The following PCDH7 variants were observed in gnomAD, a reference collection of about 807,000 sequenced individuals.
PCDH7 encodes the protein protocadherin-7.
A neutral mutation model predicts 58.9 loss-of-function variants in PCDH7; 17 were observed. That is an observed-to-expected ratio of 0.29 (90% CI 0.20 to 0.43). PCDH7 has a LOEUF of 0.43. PCDH7 is among the 20% of genes least tolerant of loss of function. The pLI, the probability that PCDH7 is intolerant of heterozygous loss-of-function variation, is 1.00. For missense variants in PCDH7, 1,274 were observed against 1,441.0 expected (o/e 0.88, Z 1.88); for synonymous variants, 664 against 616.4 (o/e 1.08, Z -1.14).
intron 1 of PCDH7, among the ~76,000 whole-genome samples, chr4:30,802,968 C>T (rs915807682): frequency 6.6e-6 from 1 of 151,990 alleles, no homozygotes; most frequent in Non-Finnish European, 1.5e-5. Context: ...GGCAAGGCAG[C>T]TGCGAGAGAA....
At chr4:30,959,531 T>A (rs1748185659) in intron 3 of PCDH7, among the ~76,000 whole-genome samples, 1 of 152,174 alleles carries the variant, frequency 6.6e-6, no homozygotes. Flanking sequence ...TTATGGATTT[T>A]ACTTTGACAT....
At chr4:30,845,095 A>G (rs1298903866) in intron 1 of PCDH7, among the ~76,000 whole-genome samples, 1 of 152,158 alleles carries the variant, frequency 6.6e-6, no homozygotes, top group Non-Finnish European at 1.5e-5. Flanking sequence ...TAAATACTTA[A>G]GTGATTTCCT....
At position 30,723,002 on chromosome 4, in the gene PCDH7, A is replaced by G; in HGVS notation, c.1580A>G (p.Asp527Gly). 6.2e-7 allele frequency: 1 copy of G among 1,613,740 alleles called. No homozygotes were observed. Among genetic ancestry groups the G allele is most frequent in the Non-Finnish European group, 8.5e-7 (1 of 1,180,010 alleles). Residue 527 changes from aspartate (D) to glycine (G), a missense_variant, in exon 1 of 2, where the codon GAC becomes GGC. Transcript: ENST00000361762. This position sits in a 1 kb window ranked among gnomAD's most constrained non-coding sequence, Gnocchi z 4.6. ...AACTCCCTGATTGTCAAGGTGGGAGACACCAACGACAACCCGCCCATGTTC... is the reference window on the plus strand; with the variant it reads ...AACTCCCTGATTGTCAAGGTGGGAGGCACCAACGACAACCCGCCCATGTTC...
rs138850264 is a variant in PCDH7, at chr4:31,109,747, C to A, written c.*8-32726C>A. ...AAGACAAGGTTTGCTTTCCAAAATACGTATTCCTAAATTCCAAATATAAGT... is the reference window on the plus strand; with the variant it reads ...AAGACAAGGTTTGCTTTCCAAAATAAGTATTCCTAAATTCCAAATATAAGT... On this transcript the variant is annotated intron_variant, in intron 3 of 3. Coordinates refer to the PCDH7 transcript ENST00000509759. Among the ~76,000 whole-genome samples the A allele has an allele frequency of 5.3e-3, 810 of 152,316 alleles. 20 individuals are homozygous for A. Among genetic ancestry groups the A allele is most frequent in the Admixed American group, 0.043 (662 of 15,296 alleles).
At chr4:31,088,926 A>G (rs906433021) in intron 3 of PCDH7, among the ~76,000 whole-genome samples, 14 of 152,114 alleles carry the variant, frequency 9.2e-5, no homozygotes, top group Non-Finnish European at 1.9e-4. Flanking sequence ...TATTTTAATT[A>G]CATGTTACAG....
chr4:30,943,890 C>T (rs529916749), intron 2 of PCDH7, among the ~76,000 whole-genome samples: 1 of 152,126 alleles, frequency 6.6e-6, no homozygotes, highest in African/African-American at 2.4e-5. Context: ...TGCTCACCAC[C>T]TCTTCCATAG....
At chr4:30,978,768 A>G (rs1246848323) in intron 3 of PCDH7, among the ~76,000 whole-genome samples, 4 of 152,194 alleles carry the variant, frequency 2.6e-5, no homozygotes, top group Non-Finnish European at 5.9e-5. Flanking sequence ...AATAAAATAC[A>G]TCAACTATTA....
At chr4:30,978,569 C>T (rs1056945888) in intron 3 of PCDH7, among the ~76,000 whole-genome samples, 3 of 152,036 alleles carry the variant, frequency 2.0e-5, no homozygotes, top group Non-Finnish European at 4.4e-5. Flanking sequence ...GCTACGTGAT[C>T]TCAGGCAAGT....
At chr4:30,829,611 G>A (rs570434326) in intron 1 of PCDH7, among the ~76,000 whole-genome samples, 1 of 152,140 alleles carries the variant, frequency 6.6e-6, no homozygotes, top group African/African-American at 2.4e-5. Context: ...ATTGTCAGTG[G>A]TAGCTAATTG....
intron 2 of PCDH7, among the ~76,000 whole-genome samples, chr4:30,922,805 T>TA (rs1362389307): frequency 6.6e-6 from 1 of 152,098 alleles, no homozygotes; most frequent in Non-Finnish European, 1.5e-5. Flanking sequence ...GATCTATAGG[T>TA]AATGACAAAA....
intron 1 of PCDH7, among the ~76,000 whole-genome samples, chr4:30,739,623 C>G (rs565128670): frequency 7.2e-5 from 11 of 152,178 alleles, no homozygotes; most frequent in African/African-American, 2.4e-4. Context: ...TACTCTGTTA[C>G]TAAAACTTGA....
At chr4:30,799,855 C>A (rs6822350) in intron 1 of PCDH7, among the ~76,000 whole-genome samples, 100,317 of 150,948 alleles carry the variant, frequency 0.66, 35,257 homozygotes, top group African/African-American at 0.91. Flanking sequence ...TTATGAATAT[C>A]ACTTTTTTTT....
intron 3 of PCDH7, among the ~76,000 whole-genome samples, chr4:31,070,554 T>C (rs1458616397): frequency 3.9e-5 from 6 of 152,122 alleles, no homozygotes; most frequent in Non-Finnish European, 5.9e-5. Context: ...AATGTTTATA[T>C]GCAGACATTT....
chr4:30,746,014 A>T (rs1043821532), intron 1 of PCDH7, among the ~76,000 whole-genome samples: 3 of 151,976 alleles, frequency 2.0e-5, no homozygotes, highest in Non-Finnish European at 4.4e-5. Context: ...TAATTTTTGT[A>T]GACGGGGTTT....
intron 3 of PCDH7, among the ~76,000 whole-genome samples, chr4:31,061,647 A>T (rs1322687981): frequency 1.3e-5 from 2 of 151,792 alleles, no homozygotes; most frequent in African/African-American, 4.8e-5. Flanking sequence ...AGAATGTTTT[A>T]ACAAAAGAGG....
intron 2 of PCDH7, among the ~76,000 whole-genome samples, chr4:30,924,614 A>G (rs1441125253): frequency 2.0e-5 from 3 of 152,248 alleles, no homozygotes; most frequent in African/African-American, 7.2e-5. Flanking sequence ...GGTGGGTGGA[A>G]ATGTTGGCAC....
rs548409295 is a variant in PCDH7, at chr4:30,969,381, A to G, written c.*7+19166A>G. Among the ~76,000 whole-genome samples the G allele has an allele frequency of 1.6e-4, 24 of 151,962 alleles. No homozygotes were observed. In the South Asian group the frequency reaches 4.6e-3, roughly 29 times the overall value. On this transcript the variant is annotated intron_variant, in intron 3 of 3. Transcript: ENST00000509759. ...CTTTTTTTTTTTCTCAAAGCTTTCC[A>G]GGGGAATGTCAGTTCCTGTTTTGTG...
chr4:31,065,091 T>C (rs1757974521), intron 3 of PCDH7, among the ~76,000 whole-genome samples: 1 of 152,026 alleles, frequency 6.6e-6, no homozygotes, highest in South Asian at 2.1e-4. Context: ...AATGGTGCTT[T>C]TGTGAGGAAC....
At chr4:31,003,750 A>G (rs1161756882) in intron 3 of PCDH7, among the ~76,000 whole-genome samples, 2 of 152,078 alleles carry the variant, frequency 1.3e-5, no homozygotes, top group Non-Finnish European at 2.9e-5. Context: ...TACTAAAAAT[A>G]CAAAAAAATT....
Sources: allele counts gnomAD v4.1 joint callset (sites outside exome capture counted in the v4.1 genomes callset), GRCh38; gene constraint gnomAD v4.1.1; non-coding constraint Gnocchi (gnomAD v3.1); transcripts MANE v1.5; gene names NCBI Gene and HGNC (gene_info 2026-07-23, HGNC 2026-07-21).